RBM20: variants seen among roughly 807,000 people sequenced by gnomAD.
The protein encoded by RBM20 is RNA-binding protein 20.
A neutral mutation model predicts 110.1 loss-of-function variants in RBM20; 51 were observed. The observed-to-expected ratio is 0.46, with a 90% CI of 0.37 to 0.59. The LOEUF (loss-of-function observed/expected upper bound fraction) is 0.59. RBM20 is among the 20% of genes least tolerant of loss of function. The pLI is 0.00. For missense variants in RBM20, 1,512 were observed against 1,574.9 expected (o/e 0.96, Z 0.68); for synonymous variants, 589 against 618.2 (o/e 0.95, Z 0.70).
At chr10:110,752,920 C>CATATATATATATATATATATATAT (rs760317651) in intron 1 of RBM20, among the ~76,000 whole-genome samples, 1 of 125,222 alleles carries the variant, frequency 8.0e-6, no homozygotes, top group African/African-American at 3.2e-5. Context: ...TATATTTATA[C>CATATATATATATATATATATATAT]ATATATATAT....
At chr10:110,700,257 C>T (rs2134892416) in intron 1 of RBM20, among the ~76,000 whole-genome samples, 1 of 152,206 alleles carries the variant, frequency 6.6e-6, no homozygotes, top group Non-Finnish European at 1.5e-5. Context: ...GCATGAACAC[C>T]AGACAAGGTT....
chr10:110,788,181 T>G (rs1844442997), intron 5 of RBM20, among the ~76,000 whole-genome samples: 1 of 152,178 alleles, frequency 6.6e-6, no homozygotes, highest in South Asian at 2.1e-4. Flanking sequence ...TCTTCCTTGC[T>G]GTGATCCTCC....
intron 7 of RBM20, among the ~76,000 whole-genome samples, chr10:110,804,346 G>T (rs2146548): frequency 0.72 from 109,549 of 151,918 alleles, 39,751 homozygotes; most frequent in East Asian, 0.82. Flanking sequence ...CGGGAAGGTA[G>T]AGGGCAAACA....
chr10:110,644,434 C>G lies in RBM20; in HGVS notation c.-21C>G. On this transcript the variant is annotated 5_prime_UTR_variant, in exon 1 of 14. The change creates a new upstream start codon in the 5' untranslated region. Coordinates refer to ENST00000369519, the MANE Select transcript of RBM20 (RefSeq NM_001134363.3). This position sits in a 1 kb window ranked among gnomAD's most constrained non-coding sequence, Gnocchi z 4.3. ...CTCCCTTGAGCTCTCTCGCCGCGATCCCGGGCGGGTCTCGCCCCGCATGGT... is the reference window on the plus strand; with the variant it reads ...CTCCCTTGAGCTCTCTCGCCGCGATGCCGGGCGGGTCTCGCCCCGCATGGT... The G allele has an allele frequency of 6.9e-7, 1 of 1,457,930 alleles. No homozygotes were observed. Among genetic ancestry groups the G allele is most frequent in the Non-Finnish European group, 9.0e-7 (1 of 1,109,758 alleles). 90.3% of individuals were successfully genotyped at this position (1,457,930 alleles called of 1,614,324 possible). A position where few individuals can be genotyped will look rare whatever the true frequency, so the allele number is the denominator to read the frequency against.
At chr10:110,819,148 A>C (rs1844877971) in intron 9 of RBM20, among the ~76,000 whole-genome samples, 1 of 152,212 alleles carries the variant, frequency 6.6e-6, no homozygotes, top group Non-Finnish European at 1.5e-5. Context: ...GCCCTCAGAA[A>C]GCCCAGGAGT....
intron 1 of RBM20, among the ~76,000 whole-genome samples, chr10:110,672,268 G>T (rs116456540): frequency 1.3e-5 from 2 of 152,320 alleles, no homozygotes; most frequent in African/African-American, 4.8e-5. Flanking sequence ...GGCCGGAGAG[G>T]TCGCAGCACT....
At chr10:110,723,525 C>A (rs1276412484) in intron 1 of RBM20, among the ~76,000 whole-genome samples, 2 of 152,168 alleles carry the variant, frequency 1.3e-5, no homozygotes. Flanking sequence ...GTGGCTACAC[C>A]ATTTTACACC....
At chr10:110,736,211 G>T (rs1261233995) in intron 1 of RBM20, among the ~76,000 whole-genome samples, 2 of 152,236 alleles carry the variant, frequency 1.3e-5, no homozygotes, top group Non-Finnish European at 2.9e-5. Context: ...TTGCAATGCA[G>T]TTTTTACAAA....
intron 1 of RBM20, among the ~76,000 whole-genome samples, chr10:110,780,521 T>G (rs1844323264): frequency 2.0e-5 from 3 of 152,242 alleles, no homozygotes; most frequent in African/African-American, 7.2e-5. Flanking sequence ...TTTAAAAAAT[T>G]GCTATTTTGC....
chr10:110,743,990 C>T (rs540331074), intron 1 of RBM20, among the ~76,000 whole-genome samples: 4 of 152,186 alleles, frequency 2.6e-5, no homozygotes, highest in East Asian at 1.9e-4. Context: ...TTTCAGTGAT[C>T]CTGGTGGGGG....
intron 1 of RBM20, among the ~76,000 whole-genome samples, chr10:110,698,110 G>A (rs551419669): frequency 5.9e-5 from 9 of 152,100 alleles, no homozygotes; most frequent in Non-Finnish European, 1.0e-4. Context: ...GGGTTTTACT[G>A]TGTTAGCCAG....
At chr10:110,756,170 G>A (rs927687286) in intron 1 of RBM20, among the ~76,000 whole-genome samples, 1 of 152,192 alleles carries the variant, frequency 6.6e-6, no homozygotes, top group African/African-American at 2.4e-5. Flanking sequence ...GTTGGATCAC[G>A]ATTTTAAAAC....
intron 1 of RBM20, among the ~76,000 whole-genome samples, chr10:110,729,193 T>G (rs969610032): frequency 3.3e-5 from 5 of 152,312 alleles, no homozygotes; most frequent in Non-Finnish European, 7.4e-5. Flanking sequence ...TTTAAGAACA[T>G]GCCACTTAAA....
chr10:110,746,052 G>T (rs889183728), intron 1 of RBM20, among the ~76,000 whole-genome samples: 1 of 152,074 alleles, frequency 6.6e-6, no homozygotes, highest in East Asian at 1.9e-4. Flanking sequence ...AGCTGTTCTT[G>T]CCTGGGCTCG....
chr10:110,737,215 C>CA (rs1374815475), intron 1 of RBM20, among the ~76,000 whole-genome samples: 1 of 97,930 alleles, frequency 1.0e-5, no homozygotes, highest in African/African-American at 3.7e-5. Context: ...CACACACACT[C>CA]AAAAACAACA....
At chr10:110,786,014 G>A (rs547724390) in intron 5 of RBM20, among the ~76,000 whole-genome samples, 64 of 152,312 alleles carry the variant, frequency 4.2e-4, no homozygotes, top group African/African-American at 1.5e-3. Flanking sequence ...TGCTGTCTCT[G>A]CAACATACAT....
intron 1 of RBM20, among the ~76,000 whole-genome samples, chr10:110,738,646 G>T (rs577108307): frequency 1.3e-5 from 2 of 152,174 alleles, no homozygotes; most frequent in Non-Finnish European, 2.9e-5. Context: ...TGGAAGGGGG[G>T]CTTTCCTGAA....
intron 5 of RBM20, among the ~76,000 whole-genome samples, chr10:110,789,852 G>A (rs17127975): frequency 0.019 from 2,830 of 152,162 alleles, 100 homozygotes; most frequent in African/African-American, 0.064. Context: ...TGACTGAGTC[G>A]TCATAAACAG....
intron 5 of RBM20, among the ~76,000 whole-genome samples, chr10:110,789,162 T>C (rs2135058216): frequency 6.6e-6 from 1 of 152,388 alleles, no homozygotes; most frequent in East Asian, 1.9e-4. Flanking sequence ...CACTAATGTC[T>C]GTGGAGCGAA....
Sources: allele counts gnomAD v4.1 joint callset (sites outside exome capture counted in the v4.1 genomes callset), GRCh38; gene constraint gnomAD v4.1.1; non-coding constraint Gnocchi (gnomAD v3.1); transcripts MANE v1.5; gene names NCBI Gene and HGNC (gene_info 2026-07-23, HGNC 2026-07-21).